WIPI2: variants seen among roughly 807,000 people sequenced by gnomAD.
WIPI2 encodes WD repeat domain phosphoinositide-interacting protein 2.
In WIPI2, 28 loss-of-function variants were observed where a neutral mutation model predicts 52.3. The observed-to-expected ratio is 0.54, with a 90% CI of 0.40 to 0.73. The LOEUF is 0.73. Ranked by LOEUF, WIPI2 falls within the 30% of genes least tolerant of loss-of-function variation. The pLI, the probability that WIPI2 is intolerant of heterozygous loss-of-function variation, is 0.00. For synonymous variants in WIPI2, 268 were observed against 245.0 expected (o/e 1.09, Z -0.88); for missense variants, 506 against 602.9 (o/e 0.84, Z 1.68).
In WIPI2 at chr7:5,190,429, G is replaced by C; in HGVS notation, c.10G>C (p.Ala4Pro). Residue 4 changes from alanine to proline, a missense_variant, in exon 1 of 13, where the codon GCG becomes CCG. By Grantham distance (27) the Ala-to-Pro change is conservative. Coordinates refer to ENST00000288828, the MANE Select transcript of WIPI2 (RefSeq NM_015610.4). ...CGCCGCGCGCCCAGCCATGAACCTG[G>C]CGAGCCAGAGCGGGGAGGCCGGCGC... Reference protein sequence around the residue: MNLASQSGEAGAGQ... With the variant: MNLPSQSGEAGAGQ... 2.0e-6 allele frequency: 3 copies of C among 1,471,748 alleles called. No homozygotes were observed. The highest frequency in any genetic ancestry group is 2.7e-6 in the Non-Finnish European group (3 of 1,107,410). The allele number at this position is 1,471,748 out of a possible 1,614,324, so 91.2% of individuals were successfully genotyped here. A position where few individuals can be genotyped will look rare whatever the true frequency, so the allele number is the denominator to read the frequency against.
At chr7:5,205,769 A>G (rs1782264499) in intron 3 of WIPI2, among the ~76,000 whole-genome samples, 1 of 152,018 alleles carries the variant, frequency 6.6e-6, no homozygotes, top group African/African-American at 2.4e-5. Context: ...CTGCCTCCCA[A>G]AGTGCTGGGA....
chr7:5,191,922 A>G (rs754353228), intron 1 of WIPI2, among the ~76,000 whole-genome samples: 4 of 152,140 alleles, frequency 2.6e-5, no homozygotes, highest in Non-Finnish European at 5.9e-5. Flanking sequence ...TCATCCAACT[A>G]CAGATGAGGA....
intron 8 of WIPI2, among the ~76,000 whole-genome samples, chr7:5,225,137 CT>C (rs569592524): frequency 1.8e-3 from 254 of 144,486 alleles, no homozygotes; most frequent in Middle Eastern, 3.5e-3. Context: ...TTTGCTCTGT[CT>C]TTTTTTTTTT....
chr7:5,208,891 G>GA (rs1680455630), intron 3 of WIPI2, among the ~76,000 whole-genome samples: 1 of 152,098 alleles, frequency 6.6e-6, no homozygotes, highest in Non-Finnish European at 1.5e-5. Context: ...TTATGATTAG[G>GA]ATGGGATTGG....
chr7:5,220,316 C>T (rs1218651796), intron 7 of WIPI2, among the ~76,000 whole-genome samples: 1 of 150,496 alleles, frequency 6.6e-6, no homozygotes, highest in Non-Finnish European at 1.5e-5. Flanking sequence ...GATCTCAGCT[C>T]ACCACAACCT....
rs771352128 is a variant in WIPI2, at chr7:5,218,031, C to T, written c.669+17C>T. ...TCGGAGAAGGTGAGTCTGCTTTTCC[C>T]CGGGGGAGCACTGGTGCCAAGGCGT... On this transcript the variant is annotated intron_variant, in intron 7 of 12. Coordinates refer to ENST00000288828, the MANE Select transcript of WIPI2 (RefSeq NM_015610.4). 12 of 1,613,554 alleles carry T rather than the reference C, an allele frequency of 7.4e-6. No homozygotes were observed. In the Admixed American group the frequency reaches 2.0e-4, roughly 27 times the overall value.
At position 5,232,496 on chromosome 7, in the gene WIPI2, T is replaced by C. The variant is rs1783772605; in HGVS notation, c.*1549T>C. 2.5e-6 allele frequency: 1 copy of C among 396,334 alleles called. No individual in the cohort carries two copies. The highest frequency in any genetic ancestry group is 1.4e-4 in the South Asian group (1 of 7,004). 24.6% of individuals were successfully genotyped at this position (396,334 alleles called of 1,614,324 possible). A position where few individuals can be genotyped will look rare whatever the true frequency, so the allele number is the denominator to read the frequency against. The stretch of plus-strand genomic sequence containing the variant: ...AGGTGCAAGTGGGCTGATTGAACTT[T>C]TCCTTCAAAACCTGCTTGTCTGTCC... On this transcript the variant is annotated 3_prime_UTR_variant, in exon 13 of 13. Transcript: ENST00000288828.
At chr7:5,205,989 A>T (rs958101540) in intron 3 of WIPI2, among the ~76,000 whole-genome samples, 1 of 151,252 alleles carries the variant, frequency 6.6e-6, no homozygotes, top group African/African-American at 2.4e-5. Flanking sequence ...GGGGTTGCAA[A>T]TATTTTTTTT....
At chr7:5,224,279 C>T (rs541293755) in intron 8 of WIPI2, among the ~76,000 whole-genome samples, 31 of 152,332 alleles carry the variant, frequency 2.0e-4, no homozygotes, top group African/African-American at 6.7e-4. Flanking sequence ...GAGTCCAAGT[C>T]GAGTGTCGCC....
intron 3 of WIPI2, chr7:5,213,402 C>T (rs961647468): frequency 8.5e-5 from 13 of 152,674 alleles, no homozygotes; most frequent in African/African-American, 2.4e-4. Context: ...CAGGATGGCG[C>T]GTAGGTCAGC....
rs117523436 is a variant in WIPI2, at chr7:5,202,314, A to G, written c.211+2656A>G. ...CTGGAAGATAGATTTTCTACCATCA[A>G]TGTTGTAATTTCAAACTTGAAAGTT... On this transcript the variant is annotated intron_variant, in intron 3 of 12. Transcript: ENST00000288828. Among the ~76,000 whole-genome samples the G allele has an allele frequency of 2.5e-4, 38 of 152,336 alleles. No individual in the cohort carries two copies. In the East Asian group the frequency reaches 4.4e-3, roughly 18 times the overall value.
intron 3 of WIPI2, among the ~76,000 whole-genome samples, chr7:5,207,768 CTTT>C (rs35296190): frequency 1.9e-5 from 2 of 107,290 alleles, no homozygotes; most frequent in Non-Finnish European, 3.6e-5. Context: ...TCCTCACTAA[CTTT>C]TTTTTTTTTT....
intron 3 of WIPI2, among the ~76,000 whole-genome samples, chr7:5,209,013 ATTTT>A (rs55697377): frequency 6.9e-4 from 64 of 92,878 alleles, no homozygotes; most frequent in Middle Eastern, 7.6e-3. Flanking sequence ...ATATTCTGTG[ATTTT>A]TTTTTTTTTT....
rs149638533 is a variant in WIPI2, at chr7:5,206,282, T to C, written c.211+6624T>C. ...GGATGCTTGCCTGTGTCCTTACTTA[T>C]GTAGAGGGGCTTACTCTGAAGCATT... On this transcript the variant is annotated intron_variant, in intron 3 of 12. Transcript: ENST00000288828. Among the ~76,000 whole-genome samples, 378 of 152,302 alleles carry C rather than the reference T, an allele frequency of 2.5e-3. 4 individuals are homozygous for C. Among genetic ancestry groups the C allele is most frequent in the African/African-American group, 8.3e-3 (347 of 41,580 alleles).
intron 3 of WIPI2, among the ~76,000 whole-genome samples, chr7:5,205,661 C>T (rs977317812): frequency 6.6e-6 from 1 of 152,114 alleles, no homozygotes; most frequent in Non-Finnish European, 1.5e-5. Context: ...TGTGTCACCA[C>T]GCTCAGCTAA....
intron 3 of WIPI2, among the ~76,000 whole-genome samples, chr7:5,201,258 T>G (rs1782014070): frequency 6.6e-6 from 1 of 152,234 alleles, no homozygotes; most frequent in Admixed American, 6.5e-5. Context: ...GTTGCTGGAG[T>G]CACTGTAGTC....
chr7:5,229,519 G>A (rs1234447847), intron 11 of WIPI2, 89 bp from the exon 12 acceptor site: 3 of 1,497,926 alleles, frequency 2.0e-6, no homozygotes, highest in Non-Finnish European at 2.7e-6. Context: ...GTGGTGTGCT[G>A]GCTCTGTTGC....
intron 7 of WIPI2, chr7:5,219,027 C>G (rs1427253391): frequency 1.3e-5 from 2 of 152,230 alleles, no homozygotes; most frequent in Admixed American, 6.5e-5. Context: ...CGGCTCACTT[C>G]CTTAGCTTTC....
chr7:5,226,560 C>G (rs1200608811), intron 9 of WIPI2: 1 of 152,964 alleles, frequency 6.5e-6, no homozygotes, highest in African/African-American at 2.4e-5. Context: ...GCTGTGTTGC[C>G]CAGGCTGGTC....
Sources: gnomAD v4.1 joint callset for allele counts (sites outside exome capture counted in the v4.1 genomes callset) on GRCh38, gnomAD v4.1.1 for gene constraint, MANE v1.5 for transcripts, NCBI Gene and HGNC (gene_info 2026-07-23, HGNC 2026-07-21) for gene names.